The following IMMP2L variants were observed in gnomAD, a reference collection of about 807,000 sequenced individuals.
IMMP2L encodes inner mitochondrial membrane peptidase subunit 2.
Under a neutral mutation model 19.3 loss-of-function variants are expected in IMMP2L, and 18 were observed. The observed-to-expected ratio is 0.93, with a 90% confidence interval of 0.64 to 1.38. The LOEUF is 1.38. IMMP2L is among the 40% of genes most tolerant of loss of function. The pLI is 0.00. For missense variants in IMMP2L, 233 were observed against 218.2 expected, an observed-to-expected ratio of 1.07 and a Z score of -0.43; for synonymous variants, 76 against 73.0, an observed-to-expected ratio of 1.04 and a Z score of -0.21.
chr7:110,878,724 C>T (rs1361427722), intron 5 of IMMP2L, among the ~76,000 whole-genome samples: 1 of 151,786 alleles, frequency 6.6e-6, no homozygotes, highest in African/African-American at 2.4e-5. Context: ...TTTTAAAAAA[C>T]TGAAAAATAA....
chr7:110,720,314 C>A (rs1421248942), intron 5 of IMMP2L, among the ~76,000 whole-genome samples: 1 of 152,044 alleles, frequency 6.6e-6, no homozygotes, highest in African/African-American at 2.4e-5. Flanking sequence ...GAGTCAGAGC[C>A]CCTGGTTGAG....
At chr7:111,561,589 G>C (rs1333258429) in intron 1 of IMMP2L, among the ~76,000 whole-genome samples, 1 of 152,134 alleles carries the variant, frequency 6.6e-6, no homozygotes, top group Admixed American at 6.5e-5. Context: ...AGGTAAAGGG[G>C]AAGTGCAGTT....
intron 3 of IMMP2L, among the ~76,000 whole-genome samples, chr7:111,472,852 T>C (rs1247035622): frequency 6.6e-6 from 1 of 151,930 alleles, no homozygotes; most frequent in Non-Finnish European, 1.5e-5. Flanking sequence ...TCCCAGCACT[T>C]TGGGAGGCTG....
intron 5 of IMMP2L, among the ~76,000 whole-genome samples, chr7:110,816,484 G>T (rs901942686): frequency 3.3e-5 from 5 of 151,682 alleles, no homozygotes; most frequent in Non-Finnish European, 7.4e-5. Flanking sequence ...TATTAGGTCT[G>T]CTTGGTGCAG....
In IMMP2L at chr7:110,727,320, G is replaced by A. The variant is rs1271737077; in HGVS notation, c.409-63599C>T. Among the ~76,000 whole-genome samples the A allele has an allele frequency of 6.6e-6, 1 of 152,130 alleles. No individual in the cohort carries two copies. Among genetic ancestry groups the A allele is most frequent in the African/African-American group, 2.4e-5 (1 of 41,436 alleles). ...GCAGGAGAAGCACTTGAACCCAGGA[G>A]GTGGAAGTTGCAGTGAGCCGAGACT... On this transcript the variant is annotated intron_variant, in intron 5 of 5. Transcript: ENST00000405709. The surrounding 1 kb of genome is among the most constrained non-coding windows in gnomAD (Gnocchi z 4.3).
At chr7:110,834,883 A>T (rs1165080203) in intron 5 of IMMP2L, among the ~76,000 whole-genome samples, 1 of 152,112 alleles carries the variant, frequency 6.6e-6, no homozygotes, top group African/African-American at 2.4e-5. Context: ...CTTGGTTCTC[A>T]TGAAATAGGT....
intron 5 of IMMP2L, among the ~76,000 whole-genome samples, chr7:110,664,335 T>C (rs1371408117): frequency 6.6e-6 from 1 of 151,676 alleles, no homozygotes; most frequent in Non-Finnish European, 1.5e-5. Flanking sequence ...GAGAGTACAC[T>C]GAGTAACACG....
chr7:111,216,375 A>C (rs1811921953), intron 3 of IMMP2L, among the ~76,000 whole-genome samples: 1 of 152,176 alleles, frequency 6.6e-6, no homozygotes, highest in East Asian at 1.9e-4. Context: ...ACTTGCTTTG[A>C]ATTTTAGTTT....
At chr7:111,505,569 C>T (rs934226129) in intron 2 of IMMP2L, among the ~76,000 whole-genome samples, 2 of 152,070 alleles carry the variant, frequency 1.3e-5, no homozygotes, top group African/African-American at 4.8e-5. Context: ...TGGAACCAAC[C>T]CAAATGTCCA....
At chr7:111,052,171 A>C (rs2129573047) in intron 3 of IMMP2L, among the ~76,000 whole-genome samples, 1 of 152,364 alleles carries the variant, frequency 6.6e-6, no homozygotes, top group South Asian at 2.1e-4. Flanking sequence ...GACGTATTTT[A>C]AAATGGCCTT....
intron 3 of IMMP2L, among the ~76,000 whole-genome samples, chr7:111,477,669 C>A (rs529229571): frequency 6.6e-6 from 1 of 152,030 alleles, no homozygotes; most frequent in East Asian, 1.9e-4. Flanking sequence ...GAGGCCGAGG[C>A]AGGCAGATCA....
chr7:111,339,632 A>C (rs1473380200), intron 3 of IMMP2L, among the ~76,000 whole-genome samples: 1 of 151,884 alleles, frequency 6.6e-6, no homozygotes, highest in African/African-American at 2.4e-5. Flanking sequence ...AAACTACACC[A>C]CTCCTCTCAA....
In IMMP2L at chr7:111,391,838, C is replaced by T. The variant is rs199987805; in HGVS notation, c.239+95400G>A. On this transcript the variant is annotated intron_variant, in intron 3 of 5. Transcript: ENST00000405709. ...TTAATATATGACAACACGACCATAC[C>T]TCTCTTTCAGTTGCCTCCACTCTCC... 1,014 of 702,130 alleles carry T rather than the reference C, an allele frequency of 1.4e-3. 9 individuals carry two copies. Among genetic ancestry groups the T allele is most frequent in the South Asian group, 9.4e-3 (638 of 67,534 alleles). 43.5% of individuals were successfully genotyped at this position (702,130 alleles called of 1,614,324 possible).
intron 3 of IMMP2L, among the ~76,000 whole-genome samples, chr7:111,454,134 GTTTTTGT>G (rs1839473025): frequency 1.3e-5 from 2 of 152,022 alleles, no homozygotes; most frequent in South Asian, 4.1e-4. Flanking sequence ...AGGGTTTTTG[GTTTTTGT>G]TTTTTATTAG....
intron 3 of IMMP2L, among the ~76,000 whole-genome samples, chr7:110,974,644 G>A (rs552746548): frequency 6.6e-6 from 1 of 152,046 alleles, no homozygotes; most frequent in African/African-American, 2.4e-5. Flanking sequence ...GCTTTTTCCA[G>A]CACAATGCCC....
chr7:111,288,271 G>C (rs186356297), intron 3 of IMMP2L, among the ~76,000 whole-genome samples: 190 of 152,084 alleles, frequency 1.2e-3, no homozygotes, highest in African/African-American at 4.5e-3. Flanking sequence ...TAGGTTATTT[G>C]TTAATAAAAT....
At chr7:111,561,539 G>C (rs748985372) in intron 1 of IMMP2L, among the ~76,000 whole-genome samples, 21 of 152,126 alleles carry the variant, frequency 1.4e-4, no homozygotes, top group Non-Finnish European at 2.9e-4. Flanking sequence ...AGGGGCCGGA[G>C]ACAGACAACT....
intron 3 of IMMP2L, among the ~76,000 whole-genome samples, chr7:111,464,025 A>G (rs1360610873): frequency 2.0e-5 from 3 of 152,166 alleles, no homozygotes; most frequent in Non-Finnish European, 4.4e-5. Flanking sequence ...CTTCACACTT[A>G]TATCTTAATC....
chr7:111,387,819 A>G (rs1448935148), intron 3 of IMMP2L, among the ~76,000 whole-genome samples: 3 of 151,684 alleles, frequency 2.0e-5, no homozygotes, highest in Non-Finnish European at 2.9e-5. Context: ...CTACTAAAAT[A>G]CAAAAAATTA....
Sources: allele counts gnomAD v4.1 joint callset (sites outside exome capture counted in the v4.1 genomes callset), GRCh38; gene constraint gnomAD v4.1.1; non-coding constraint Gnocchi (gnomAD v3.1); transcripts MANE v1.5; gene names NCBI Gene and HGNC (gene_info 2026-07-23, HGNC 2026-07-21).